Variants in FANCB observed in about 807,000 individuals in gnomAD.
FANCB encodes Fanconi anemia group B protein.
Under a neutral mutation model 38.9 loss-of-function variants are expected in FANCB, and 5 were observed. The observed-to-expected ratio is 0.13, with a 90% confidence interval of 0.07 to 0.27. FANCB has a LOEUF of 0.27. Ranked by LOEUF, FANCB falls within the 10% of genes least tolerant of loss-of-function variation. FANCB has a pLI of 1.00. For missense variants in FANCB, 573 were observed against 602.7 expected (o/e 0.95, Z 0.52); for synonymous variants, 236 against 215.4 (o/e 1.10, Z -0.84).
the FANCB span, among the ~76,000 whole-genome samples, chrX:14,740,715 A>G: frequency 9.0e-6 from 1 of 111,650 alleles, no homozygotes; most frequent in East Asian, 2.8e-4. Context: ...GATTTGGCCT[A>G]TAGACAGTAC....
chrX:14,851,567 C>T (rs2092401849), intron 6 of FANCB, among the ~76,000 whole-genome samples: 1 of 112,079 alleles, frequency 8.9e-6, no homozygotes, highest in South Asian at 3.7e-4. Flanking sequence ...CTGCCAGTAG[C>T]TGCGAGTTCT....
chrX:14,719,667 T>C, the FANCB span, among the ~76,000 whole-genome samples: 1 of 111,697 alleles, frequency 9.0e-6, no homozygotes, highest in Non-Finnish European at 1.9e-5. Context: ...AAAATAGAAA[T>C]ACCATATAAT....
chrX:14,689,684 C>A, the FANCB span, among the ~76,000 whole-genome samples: 1 of 112,022 alleles, frequency 8.9e-6, no homozygotes, highest in African/African-American at 3.2e-5. Flanking sequence ...GGCTGGCAAG[C>A]ACTTGACAGC....
At chrX:14,693,045 CAA>C in the FANCB span, among the ~76,000 whole-genome samples, 6 of 73,180 alleles carry the variant, frequency 8.2e-5, no homozygotes, top group Admixed American at 5.9e-4. Context: ...AGTATAATAA[CAA>C]AAAAAAAAAA....
At chrX:14,726,997 A>G in the FANCB span, among the ~76,000 whole-genome samples, 4 of 112,262 alleles carry the variant, frequency 3.6e-5, no homozygotes, top group Admixed American at 3.8e-4. Context: ...AAAACAGCAC[A>G]GTAAATTTGA....
the FANCB span, among the ~76,000 whole-genome samples, chrX:14,804,338 C>A: frequency 2.2e-3 from 247 of 111,917 alleles, no homozygotes; most frequent in Non-Finnish European, 3.6e-3. Flanking sequence ...TTTGTAGGGA[C>A]AAGGAGGAAG....
At chrX:14,839,819 A>T (rs1056402328), downstream of FANCB, among the ~76,000 whole-genome samples, 1 of 110,785 alleles carries the variant, frequency 9.0e-6, no homozygotes, top group African/African-American at 3.3e-5. Flanking sequence ...AATTTTAACT[A>T]CAAGTAATGG....
rs2092362735 is a variant in FANCB, at chrX:14,843,732, T to C, written c.2415A>G (p.Arg805=). The C allele has an allele frequency of 8.3e-7, 1 of 1,211,297 alleles. No individual in the cohort carries two copies. Among genetic ancestry groups the C allele is most frequent in the Middle Eastern group, 2.3e-4 (1 of 4,355 alleles). The change falls in exon 10 of 10, where the codon AGA becomes AGG. Residue 805 remains arginine, a synonymous_variant. Coordinates refer to ENST00000650831, the MANE Select transcript of FANCB (RefSeq NM_001018113.3). ...SSVVAAALSD[R]RENIHPYRKE... is the part of the protein sequence containing the mutation. ...TTCTGTAGGGATGGATATTTTCCCT[T>C]CTGTCTGATAAAGCAGCCGCGACGA...
chrX:14,796,622 T>A, the FANCB span, among the ~76,000 whole-genome samples: 1 of 93,669 alleles, frequency 1.1e-5, no homozygotes, highest in Non-Finnish European at 2.1e-5. Flanking sequence ...ATAATATATA[T>A]TATATATATT....
At chrX:14,711,883 T>C in the FANCB span, among the ~76,000 whole-genome samples, 4 of 112,243 alleles carry the variant, frequency 3.6e-5, no homozygotes, top group African/African-American at 1.3e-4. Flanking sequence ...CTTACAATAA[T>C]TTTCTTATAA....
the FANCB span, among the ~76,000 whole-genome samples, chrX:14,705,025 T>C: frequency 1.8e-5 from 2 of 112,324 alleles, no homozygotes; most frequent in South Asian, 7.4e-4. Context: ...AGAAGCAGCA[T>C]TTGTAAAGTT....
At chrX:14,765,019 T>C in the FANCB span, among the ~76,000 whole-genome samples, 19 of 112,112 alleles carry the variant, frequency 1.7e-4, no homozygotes, top group Non-Finnish European at 3.2e-4. Flanking sequence ...CAATGAGTAA[T>C]CGTTTAGCAT....
At chrX:14,859,051 C>A in intron 4 of FANCB, 131 bp downstream of exon 4, 1 of 426,323 alleles carries the variant, frequency 2.3e-6, no homozygotes, top group Non-Finnish European at 4.1e-6. Flanking sequence ...AAGATTCAAT[C>A]TATATATTTT....
the FANCB span, among the ~76,000 whole-genome samples, chrX:14,752,066 G>T: frequency 9.0e-6 from 1 of 111,499 alleles, no homozygotes; most frequent in South Asian, 3.8e-4. Flanking sequence ...TATGCTGGGG[G>T]AGTTAGGTTG....
At chrX:14,695,252 A>C in the FANCB span, among the ~76,000 whole-genome samples, 2 of 111,727 alleles carry the variant, frequency 1.8e-5, no homozygotes, top group Non-Finnish European at 3.8e-5. Flanking sequence ...AAATGGTGAC[A>C]AACCTTAGAT....
the FANCB span, among the ~76,000 whole-genome samples, chrX:14,801,618 A>T: frequency 8.9e-6 from 1 of 111,867 alleles, no homozygotes; most frequent in African/African-American, 3.2e-5. Flanking sequence ...TTTTCCATTT[A>T]TTGATTTTAC....
chrX:14,719,860 T>G, the FANCB span, among the ~76,000 whole-genome samples: 2 of 112,270 alleles, frequency 1.8e-5, no homozygotes, highest in South Asian at 7.3e-4. Flanking sequence ...TGGAGTACTA[T>G]TCAGTCTTAA....
intron 5 of FANCB, among the ~76,000 whole-genome samples, chrX:14,856,855 A>C (rs746568920): frequency 6.2e-5 from 7 of 112,066 alleles, no homozygotes; most frequent in Non-Finnish European, 1.1e-4. Flanking sequence ...AAAAACTTTG[A>C]TAGATTGGAT....
the FANCB span, among the ~76,000 whole-genome samples, chrX:14,796,693 T>TACAC: frequency 0.057 from 5,212 of 92,062 alleles, 136 homozygotes; most frequent in African/African-American, 0.06. Context: ...CGTCTATATA[T>TACAC]ACACACACAC....
Sources: gnomAD v4.1 joint callset for allele counts (sites outside exome capture counted in the v4.1 genomes callset) on GRCh38, gnomAD v4.1.1 for gene constraint, MANE v1.5 for transcripts, NCBI Gene and HGNC (gene_info 2026-07-23, HGNC 2026-07-21) for gene names.